SH3YL1: variants seen among roughly 807,000 people sequenced by gnomAD.
The protein encoded by SH3YL1 is SH3 domain-containing YSC84-like protein 1.
In SH3YL1, 41 loss-of-function variants were observed where a neutral mutation model predicts 45.8. The observed-to-expected ratio is 0.89, with a 90% confidence interval of 0.70 to 1.16. The LOEUF is 1.16. Among genes scored for constraint, SH3YL1 ranks in the 50% most tolerant of loss-of-function variants. SH3YL1 has a pLI of 0.00. For synonymous variants in SH3YL1, 152 were observed against 151.4 expected, an observed-to-expected ratio of 1.00 and a Z score of -0.03; for missense variants, 389 against 409.6, an observed-to-expected ratio of 0.95 and a Z score of 0.43.
chr2:248,007 C>T (rs1440065611), intron 3 of SH3YL1, among the ~76,000 whole-genome samples: 1 of 152,144 alleles, frequency 6.6e-6, no homozygotes, highest in Admixed American at 6.5e-5. Context: ...CAGAAGGATT[C>T]GAGAGAGTTG....
chr2:218,584 G>A lies in SH3YL1; in HGVS notation c.*227C>T. 2.1e-6 allele frequency: 1 copy of A among 469,396 alleles called. No homozygotes were observed. The highest frequency in any genetic ancestry group is 2.0e-5 in the African/African-American group (1 of 50,966). 29.1% of individuals were successfully genotyped at this position (469,396 alleles called of 1,614,324 possible). On this transcript the variant is annotated 3_prime_UTR_variant, in exon 10 of 10. Coordinates refer to ENST00000356150, the MANE Select transcript of SH3YL1 (RefSeq NM_015677.4). ...CAAGAGAACTATGAGCGTATAAACT[G>A]TATGATATTCTATGACACAGTAAGT... is the stretch of plus-strand genomic sequence containing the variant.
At chr2:227,168 C>A (rs541731004) in intron 8 of SH3YL1, among the ~76,000 whole-genome samples, 7 of 152,018 alleles carry the variant, frequency 4.6e-5, no homozygotes, top group Admixed American at 4.6e-4. Flanking sequence ...GGATGGTATA[C>A]ATGGTGGGGA....
chr2:220,018 A>C (rs998825051), intron 9 of SH3YL1, among the ~76,000 whole-genome samples: 1 of 151,986 alleles, frequency 6.6e-6, no homozygotes, highest in Non-Finnish European at 1.5e-5. Context: ...TATAAACCAC[A>C]TAACATCATA....
Position 230,041 on chromosome 2 carries a change from T to C in SH3YL1, c.706A>G (p.Lys236Glu), listed in dbSNP as rs748719161. Residue 236 changes from lysine to glutamate, a missense_variant, in exon 8 of 10, where the codon AAA (lysine) becomes GAA (glutamate). Physicochemically the swap from Lys to Glu is moderately conservative, Grantham distance 56. Coordinates refer to ENST00000356150, the MANE Select transcript of SH3YL1 (RefSeq NM_015677.4). The part of the protein sequence containing the change: ...AAREQRKSSA[K>E]ELPPKPLSRP... The stretch of plus-strand genomic sequence containing the variant: ...GACAATGGCTTTGGAGGTAATTCTT[T>C]AGCCTGGGAGAAACAAAAAGATAAA... 6.2e-7 allele frequency: 1 copy of C among 1,600,068 alleles called. No individual in the cohort carries two copies. The highest frequency in any genetic ancestry group is 2.2e-5 in the East Asian group (1 of 44,694).
At chr2:250,724 C>G (rs1669036131) in intron 2 of SH3YL1, among the ~76,000 whole-genome samples, 6 of 152,242 alleles carry the variant, frequency 3.9e-5, no homozygotes, top group Middle Eastern at 3.4e-3. Context: ...CCCAAGAGAA[C>G]ACTAAAATTC....
intron 8 of SH3YL1, 29 bp from the exon 9 acceptor site, chr2:224,949 T>C: frequency 6.4e-7 from 1 of 1,555,830 alleles, no homozygotes; most frequent in South Asian, 1.1e-5. Flanking sequence ...GTGGTGATTT[T>C]GAAAACTGAT....
chr2:250,617 G>A (rs1201250685), intron 2 of SH3YL1, among the ~76,000 whole-genome samples: 2 of 152,144 alleles, frequency 1.3e-5, no homozygotes, highest in African/African-American at 4.8e-5. Context: ...ATAACTTTAA[G>A]GTAGTTTAAC....
In SH3YL1 at chr2:230,841, T is replaced by C. The variant is rs558015265; in HGVS notation, c.702+182A>G. 61 of 606,362 alleles carry C rather than the reference T, an allele frequency of 1.0e-4. No homozygotes were observed. In the South Asian group the frequency reaches 1.1e-3, roughly 11 times the overall value. The allele number at this position is 606,362 out of a possible 1,614,324, so 37.6% of individuals were successfully genotyped here. A position where few individuals can be genotyped will look rare whatever the true frequency, so the allele number is the denominator to read the frequency against. ...ATGCAATCACAGAGGACAAATTATG[T>C]TTTTCCCTGAAATCTGTACAGAGGA... On this transcript the variant is annotated intron_variant, in intron 7 of 9. Transcript: ENST00000356150.
At chr2:237,408 G>C (rs933019988) in intron 4 of SH3YL1, among the ~76,000 whole-genome samples, 14 of 152,058 alleles carry the variant, frequency 9.2e-5, no homozygotes, top group South Asian at 2.1e-4. Flanking sequence ...TGGCGAGCAT[G>C]TGAGCAGCAA....
chr2:247,723 T>G, intron 3 of SH3YL1, 121 bp from the exon 4 acceptor site: 1 of 689,254 alleles, frequency 1.5e-6, no homozygotes, highest in Non-Finnish European at 2.4e-6. Context: ...ACTTGGTATT[T>G]CCCCTGATTT....
chr2:230,796 A>G (rs1558236552), intron 7 of SH3YL1: 1 of 528,182 alleles, frequency 1.9e-6, no homozygotes, highest in Middle Eastern at 5.3e-4. Flanking sequence ...TTGATACAAC[A>G]AAGTTCCATC....
intron 4 of SH3YL1, chr2:239,554 C>A (rs1668454561): frequency 6.6e-6 from 1 of 152,162 alleles, no homozygotes; most frequent in Non-Finnish European, 1.5e-5. Flanking sequence ...ATTTAAGGAC[C>A]ATTTTATTCA....
At position 220,446 on chromosome 2, in the gene SH3YL1, C is replaced by T. The variant is rs188925951; in HGVS notation, c.839-1445G>A. 1.5e-3 allele frequency among the ~76,000 whole-genome samples: 235 copies of T among 151,942 alleles called. 1 individual carries two copies. The highest frequency in any genetic ancestry group is 4.9e-3 in the African/African-American group (205 of 41,460). ...GAATTTCTGTATATTTTATTTTGTC[C>T]TATATTTACTTTTAGTTAACAATTT... On this transcript the variant is annotated intron_variant, in intron 9 of 9. Transcript: ENST00000356150.
At chr2:235,372 A>G (rs546689380) in intron 4 of SH3YL1, among the ~76,000 whole-genome samples, 10 of 148,166 alleles carry the variant, frequency 6.7e-5, no homozygotes, top group African/African-American at 2.0e-4. Flanking sequence ...GGGCCAGGGG[A>G]GGCAGCAGCA....
At chr2:248,442 G>A (rs747137924) in intron 3 of SH3YL1, among the ~76,000 whole-genome samples, 1 of 152,138 alleles carries the variant, frequency 6.6e-6, no homozygotes, top group East Asian at 1.9e-4. Flanking sequence ...CCTATGTTAG[G>A]AACTGTCCCT....
chr2:244,622 C>T (rs1279890289), intron 4 of SH3YL1: 1 of 152,084 alleles, frequency 6.6e-6, no homozygotes, highest in Non-Finnish European at 1.5e-5. Context: ...TTGGATAGTA[C>T]TAACCGATTA....
chr2:243,451 A>T (rs988510654), intron 4 of SH3YL1: 2 of 1,461,200 alleles, frequency 1.4e-6, no homozygotes, highest in Admixed American at 5.4e-5. Context: ...AAGAAATCAC[A>T]TGAGAAATTA....
At chr2:260,718 A>C (rs1669555144) in intron 1 of SH3YL1, 1 of 152,236 alleles carries the variant, frequency 6.6e-6, no homozygotes, top group African/African-American at 2.4e-5. Context: ...AAAGCAATTT[A>C]GACTAGATTT....
intron 5 of SH3YL1, 97 bp downstream of exon 5, chr2:234,054 TGGGGATGTA>T: frequency 1.2e-6 from 1 of 812,866 alleles, no homozygotes; most frequent in Non-Finnish European, 2.0e-6. Flanking sequence ...TGTATAAATC[TGGGGATGTA>T]CAAATCTGTT....
Sources: gnomAD v4.1 joint callset for allele counts (sites outside exome capture counted in the v4.1 genomes callset) on GRCh38, gnomAD v4.1.1 for gene constraint, MANE v1.5 for transcripts, NCBI Gene and HGNC (gene_info 2026-07-23, HGNC 2026-07-21) for gene names.